The following DMD variants were observed in gnomAD, a reference collection of about 807,000 sequenced individuals.
The protein encoded by DMD is dystrophin, also known as mutant dystrophin.
In DMD, 63 loss-of-function variants were observed where a neutral mutation model predicts 330.1. The ratio of observed to expected loss-of-function variants is 0.19; its 90% CI spans 0.16 to 0.24. DMD has a LOEUF of 0.24. Ranked by LOEUF, DMD falls within the 10% of genes least tolerant of loss-of-function variation. The pLI is 1.00. For synonymous variants in DMD, 1,223 were observed against 959.8 expected (o/e 1.27, Z -5.07); for missense variants, 3,344 against 2,684.1 (o/e 1.25, Z -5.43).
intron 7 of DMD, among the ~76,000 whole-genome samples, chrX:32,797,620 T>G (rs1180200803): frequency 1.8e-5 from 2 of 112,116 alleles, no homozygotes; most frequent in South Asian, 7.3e-4. Flanking sequence ...AATATATTTC[T>G]TTAGTCTCAT....
At chrX:31,220,247 C>T (rs1209475818) in intron 64 of DMD, among the ~76,000 whole-genome samples, 1 of 111,726 alleles carries the variant, frequency 9.0e-6, no homozygotes, top group Non-Finnish European at 1.9e-5. Context: ...CCCCCTCCAA[C>T]TAGCTACCAC....
chrX:32,634,993 C>T (rs2058996920), intron 11 of DMD, among the ~76,000 whole-genome samples: 1 of 111,990 alleles, frequency 8.9e-6, no homozygotes, highest in Non-Finnish European at 1.9e-5. Context: ...TCCATGATGA[C>T]AAGGCTTGCC....
intron 44 of DMD, among the ~76,000 whole-genome samples, chrX:32,133,512 T>G (rs1031601773): frequency 8.9e-6 from 1 of 111,952 alleles, no homozygotes; most frequent in Non-Finnish European, 1.9e-5. Context: ...TAAAGGTATT[T>G]ATTCAATTGC....
intron 30 of DMD, among the ~76,000 whole-genome samples, chrX:32,390,568 T>A (rs930981808): frequency 8.9e-6 from 1 of 112,180 alleles, no homozygotes; most frequent in Non-Finnish European, 1.9e-5. Context: ...GAAGTCACAC[T>A]CAAATCGGAC....
chrX:32,172,528 C>T (rs1274956191), intron 44 of DMD, among the ~76,000 whole-genome samples: 1 of 111,687 alleles, frequency 9.0e-6, no homozygotes, highest in Non-Finnish European at 1.9e-5. Context: ...ATTTTGTGTT[C>T]AATAGCAACT....
chrX:31,230,713 G>C (rs1468403025), intron 63 of DMD, among the ~76,000 whole-genome samples: 6 of 110,352 alleles, frequency 5.4e-5, no homozygotes, highest in South Asian at 3.8e-4. Context: ...GGAAGACTCA[G>C]AATTGAGGAA....
intron 1 of DMD, among the ~76,000 whole-genome samples, chrX:33,285,568 C>A (rs187036757): frequency 8.9e-6 from 1 of 111,850 alleles, no homozygotes; most frequent in East Asian, 2.8e-4. Flanking sequence ...AAGTTCTACT[C>A]AGTCCATAAT....
At chrX:32,585,706 A>C (rs1243912251) in intron 13 of DMD, among the ~76,000 whole-genome samples, 2 of 63,755 alleles carry the variant, frequency 3.1e-5, no homozygotes, top group African/African-American at 8.3e-5. Flanking sequence ...TCTCAAAAAA[A>C]AAAAAAAAAA....
intron 2 of DMD, among the ~76,000 whole-genome samples, chrX:32,893,605 A>AC (rs2085426322): frequency 8.9e-6 from 1 of 112,099 alleles, no homozygotes; most frequent in Non-Finnish European, 1.9e-5. Context: ...TGGGGTTATT[A>AC]AGCAAAGTAG....
At chrX:32,754,763 T>C (rs2071288539) in intron 7 of DMD, among the ~76,000 whole-genome samples, 1 of 111,579 alleles carries the variant, frequency 9.0e-6, no homozygotes, top group East Asian at 2.8e-4. Context: ...CAATAGCATT[T>C]ATACTGTTAT....
chrX:32,963,225 C>T (rs59503649), intron 2 of DMD, among the ~76,000 whole-genome samples: 27,489 of 110,784 alleles, frequency 0.25, 2,815 homozygotes, highest in African/African-American at 0.38. Flanking sequence ...TTATTAGACA[C>T]AAAAATTGGA....
At chrX:33,235,016 A>G in intron 1 of DMD, among the ~76,000 whole-genome samples, 1 of 112,005 alleles carries the variant, frequency 8.9e-6, no homozygotes, top group East Asian at 2.8e-4. Flanking sequence ...TCCTCCTGTT[A>G]CTACTCACCC....
chrX:32,701,124 G>C (rs1455761704), intron 7 of DMD, among the ~76,000 whole-genome samples: 1 of 111,959 alleles, frequency 8.9e-6, no homozygotes, highest in East Asian at 2.8e-4. Context: ...CAATAGATCG[G>C]GGTAGAGCCT....
chrX:32,858,088 T>G (rs1322822079), intron 2 of DMD, among the ~76,000 whole-genome samples: 1 of 110,951 alleles, frequency 9.0e-6, no homozygotes, highest in Non-Finnish European at 1.9e-5. Context: ...AGTATCACAA[T>G]TGAAATCCAA....
intron 1 of DMD, among the ~76,000 whole-genome samples, chrX:33,180,024 T>C (rs948308284): frequency 3.6e-5 from 4 of 109,914 alleles, no homozygotes; most frequent in African/African-American, 1.3e-4. Context: ...TTAGTAGAGA[T>C]GGGGTTTCAC....
intron 34 of DMD, among the ~76,000 whole-genome samples, chrX:32,376,178 G>A (rs777794651): frequency 3.4e-4 from 38 of 111,674 alleles, no homozygotes; most frequent in African/African-American, 1.2e-3. Context: ...CTACCCGGGA[G>A]GCTGGGGCAG....
At chrX:31,425,900 G>A (rs1415045203) in intron 60 of DMD, among the ~76,000 whole-genome samples, 1 of 111,708 alleles carries the variant, frequency 9.0e-6, no homozygotes, top group Non-Finnish European at 1.9e-5. Flanking sequence ...AGGTCTGATG[G>A]TCTTTGGACT....
intron 55 of DMD, among the ~76,000 whole-genome samples, chrX:31,586,502 C>A (rs1311497140): frequency 1.8e-5 from 2 of 112,887 alleles, no homozygotes; most frequent in East Asian, 5.5e-4. Flanking sequence ...AGGTAATACA[C>A]TGCATTTAGT....
intron 4 of DMD, among the ~76,000 whole-genome samples, chrX:32,836,140 T>G (rs1376596766): frequency 9.1e-6 from 1 of 109,505 alleles, no homozygotes; most frequent in Non-Finnish European, 1.9e-5. Context: ...CAAGTGATTC[T>G]CATGCCTCAG....
Sources: gnomAD v4.1 joint callset for allele counts (sites outside exome capture counted in the v4.1 genomes callset) on GRCh38, gnomAD v4.1.1 for gene constraint, MANE v1.5 for transcripts, NCBI Gene and HGNC (gene_info 2026-07-23, HGNC 2026-07-21) for gene names.